NHSL1: variants seen among roughly 807,000 people sequenced by gnomAD.
The protein encoded by NHSL1 is NHS-like protein 1.
NHSL1 carries 48 observed loss-of-function variants against 95.0 expected under a neutral mutation model. The observed-to-expected ratio is 0.51, with a 90% CI of 0.40 to 0.64. The LOEUF is 0.64. NHSL1 is among the 30% of genes least tolerant of loss of function. The probability of loss-of-function intolerance (pLI) is 0.00; values close to 1 mark genes in which losing one functional copy is unlikely to be tolerated. For synonymous variants in NHSL1, 783 were observed against 833.9 expected, an observed-to-expected ratio of 0.94 and a Z score of 1.05; for missense variants, 1,971 against 2,077.7, an observed-to-expected ratio of 0.95 and a Z score of 1.00.
At chr6:138,669,951 T>C (rs1785342388) in intron 1 of NHSL1, among the ~76,000 whole-genome samples, 1 of 151,954 alleles carries the variant, frequency 6.6e-6, no homozygotes, top group South Asian at 2.1e-4. Flanking sequence ...TCAAACCCTG[T>C]CTCTACTAAA....
At chr6:138,489,932 CAG>C (rs1339017312) in intron 2 of NHSL1, among the ~76,000 whole-genome samples, 14 of 6,866 alleles carry the variant, frequency 2.0e-3, no homozygotes, top group African/African-American at 7.1e-3. Context: ...GAGGGGGAGA[CAG>C]GGGGAGAGAG....
intron 1 of NHSL1, among the ~76,000 whole-genome samples, chr6:138,613,076 G>T (rs958304772): frequency 6.6e-6 from 1 of 152,124 alleles, no homozygotes; most frequent in Non-Finnish European, 1.5e-5. Flanking sequence ...TTTCTTAATG[G>T]AAAGTTTGCT....
chr6:138,669,389 C>T (rs1206049197), intron 1 of NHSL1, among the ~76,000 whole-genome samples: 4 of 152,026 alleles, frequency 2.6e-5, no homozygotes, highest in East Asian at 1.9e-4. Flanking sequence ...ACCAACTCGG[C>T]GGGGAAGCTA....
chr6:138,668,873 C>T (rs1239038061), intron 1 of NHSL1, among the ~76,000 whole-genome samples: 2 of 152,080 alleles, frequency 1.3e-5, no homozygotes, highest in Non-Finnish European at 2.9e-5. Context: ...CCACCCACCT[C>T]GGCCTCCCAA....
rs527431077 is a variant in NHSL1 at position 138,424,872 on chromosome 6, A to G, written c.4086-56T>C. Reference sequence around the variant, plus strand: ...AATTCCCACGGGACCACAGGCTGTCAGCCACAACCACTCTGCTCTTATCGC... The same window carrying G: ...AATTCCCACGGGACCACAGGCTGTCGGCCACAACCACTCTGCTCTTATCGC... On this transcript the variant is annotated intron_variant, in intron 7 of 7. Coordinates refer to ENST00000343505, the MANE Select transcript of NHSL1 (RefSeq NM_001144060.2). This position sits in a 1 kb window ranked among gnomAD's most constrained non-coding sequence, Gnocchi z 5.9. 17 of 1,387,042 alleles carry G rather than the reference A, an allele frequency of 1.2e-5. No individual in the cohort carries two copies. In the South Asian group the frequency reaches 1.8e-4, roughly 14 times the overall value. The allele number at this position is 1,387,042 out of a possible 1,614,324, so 85.9% of individuals were successfully genotyped here. A position where few individuals can be genotyped will look rare whatever the true frequency, so the allele number is the denominator to read the frequency against.
Position 138,480,247 on chromosome 6 carries a change from G to A in NHSL1, c.212-6814C>T, listed in dbSNP as rs79388426. Among the ~76,000 whole-genome samples, 19 of 152,300 alleles carry A rather than the reference G, an allele frequency of 1.2e-4. 1 individual carries two copies. The East Asian group carries it at 3.3e-3, about 26-fold the overall frequency. ...CCAGAAAGTCGGTTTTCTGTATAAT[G>A]CAGGTTTCACACCCTGTGAATATTG... is the stretch of plus-strand genomic sequence containing the variant. On this transcript the variant is annotated intron_variant, in intron 2 of 7. Transcript: ENST00000343505.
intron 1 of NHSL1, among the ~76,000 whole-genome samples, chr6:138,600,851 T>A (rs962316679): frequency 6.6e-6 from 1 of 152,142 alleles, no homozygotes; most frequent in Non-Finnish European, 1.5e-5. Context: ...AGAAAATTCA[T>A]CCCACAAAAA....
chr6:138,576,053 G>A (rs1222216955), upstream of NHSL1, among the ~76,000 whole-genome samples: 5 of 151,906 alleles, frequency 3.3e-5, no homozygotes, highest in Non-Finnish European at 5.9e-5. Context: ...GCGCAGTGGC[G>A]CGATCTTGTC....
intron 1 of NHSL1, among the ~76,000 whole-genome samples, chr6:138,684,174 T>C (rs1785551905): frequency 6.9e-6 from 1 of 145,964 alleles, no homozygotes; most frequent in South Asian, 2.2e-4. Context: ...ATCTCACCAC[T>C]GCACTCCAGC....
intron 1 of NHSL1, among the ~76,000 whole-genome samples, chr6:138,553,767 T>C (rs1431919363): frequency 1.3e-5 from 2 of 152,256 alleles, no homozygotes; most frequent in Non-Finnish European, 2.9e-5. Flanking sequence ...AGTTAAACTT[T>C]ATGGTGAAAT....
At chr6:138,545,807 C>T (rs1400149204), upstream of NHSL1, 2 of 1,179,002 alleles carry the variant, frequency 1.7e-6, no homozygotes, top group Admixed American at 7.6e-5. Context: ...GCCTGCTGGG[C>T]TGTGCTGCTG....
At chr6:138,567,612 C>T (rs1475785860) in intron 1 of NHSL1, among the ~76,000 whole-genome samples, 1 of 152,006 alleles carries the variant, frequency 6.6e-6, no homozygotes, top group Non-Finnish European at 1.5e-5. Context: ...CTGCTTTCTG[C>T]AACTATTTTA....
intron 2 of NHSL1, among the ~76,000 whole-genome samples, chr6:138,474,137 G>A (rs1778923674): frequency 6.6e-6 from 1 of 152,180 alleles, no homozygotes; most frequent in Non-Finnish European, 1.5e-5. Context: ...AAAGCACTGT[G>A]CTGGCGGCTC....
chr6:138,647,397 G>A (rs1440381868), intron 1 of NHSL1, among the ~76,000 whole-genome samples: 3 of 152,124 alleles, frequency 2.0e-5, no homozygotes, highest in Admixed American at 6.5e-5. Context: ...CGGGAGTTTT[G>A]TGTACTTTGA....
At chr6:138,593,655 G>A (rs796150625) in intron 1 of NHSL1, among the ~76,000 whole-genome samples, 5 of 152,254 alleles carry the variant, frequency 3.3e-5, no homozygotes, top group African/African-American at 1.2e-4. Flanking sequence ...TCCAGTAGAC[G>A]GTCTCCCCAG....
chr6:138,688,925 T>A (rs9495206), intron 1 of NHSL1, among the ~76,000 whole-genome samples: 22,154 of 152,186 alleles, frequency 0.15, 1,779 homozygotes, highest in East Asian at 0.37. Context: ...ATCACTTACA[T>A]TGGTAGCAGT....
intron 1 of NHSL1, among the ~76,000 whole-genome samples, chr6:138,691,121 T>C (rs1785661077): frequency 6.6e-6 from 1 of 152,224 alleles, no homozygotes; most frequent in Admixed American, 6.5e-5. Flanking sequence ...GACATCCTAC[T>C]AGGACAGTGT....
rs117749071 is a variant in NHSL1 at position 138,496,946 on chromosome 6, T to C, written c.59-575A>G. ...CATAGCTAATACATGTGGAGACCCA[T>C]TTGTGTTACAAAATTCTCTCTGCAT... On this transcript the variant is annotated intron_variant, in intron 1 of 7. Coordinates refer to ENST00000343505, the MANE Select transcript of NHSL1 (RefSeq NM_001144060.2). 1.4e-4 allele frequency among the ~76,000 whole-genome samples: 21 copies of C among 152,352 alleles called. No homozygotes were observed. The East Asian group carries it at 4.0e-3, about 29-fold the overall frequency.
chr6:138,466,710 A>ACAACG (rs1191588196), intron 3 of NHSL1, among the ~76,000 whole-genome samples: 1 of 152,208 alleles, frequency 6.6e-6, no homozygotes, highest in Non-Finnish European at 1.5e-5. Flanking sequence ...ATAACACAGC[A>ACAACG]CAACGCATTA....
Sources: gnomAD v4.1 joint callset for allele counts (sites outside exome capture counted in the v4.1 genomes callset) on GRCh38, gnomAD v4.1.1 for gene constraint, Gnocchi (gnomAD v3.1) non-coding constraint, MANE v1.5 for transcripts, NCBI Gene and HGNC (gene_info 2026-07-23, HGNC 2026-07-21) for gene names.